Variants in PLXDC1 observed in about 807,000 individuals in gnomAD.
PLXDC1 encodes plexin domain containing 1.
In PLXDC1, 39 loss-of-function variants were observed where a neutral mutation model predicts 61.3. That is an observed-to-expected ratio of 0.64 (90% CI 0.49 to 0.83). The LOEUF is 0.83. PLXDC1 is among the 40% of genes least tolerant of loss of function. PLXDC1 has a pLI of 0.00. For synonymous variants in PLXDC1, 212 were observed against 254.5 expected (o/e 0.83, Z 1.59); for missense variants, 596 against 666.5 (o/e 0.89, Z 1.17).
intron 5 of PLXDC1, 22 bp from the exon 6 acceptor site, chr17:39,107,547 C>T (rs374686939): frequency 7.5e-5 from 115 of 1,529,968 alleles, no homozygotes; most frequent in Admixed American, 1.3e-4. Context: ...AACAGAGACC[C>T]GGCTGGACGG....
intron 2 of PLXDC1, among the ~76,000 whole-genome samples, chr17:39,109,798 C>T (rs565347751): frequency 6.6e-6 from 1 of 152,152 alleles, no homozygotes; most frequent in Non-Finnish European, 1.5e-5. Flanking sequence ...AGCTCCCAGG[C>T]CGAGGGAGAG....
chr17:39,082,153 G>T lies in PLXDC1; in HGVS notation c.989+1306C>A, dbSNP rs543120406. 1.2e-4 allele frequency among the ~76,000 whole-genome samples: 19 copies of T among 152,306 alleles called. No homozygotes were observed. In the South Asian group the frequency reaches 3.7e-3, roughly 30 times the overall value. On this transcript the variant is annotated intron_variant, in intron 9 of 13. Coordinates refer to ENST00000315392, the MANE Select transcript of PLXDC1 (RefSeq NM_020405.5). The stretch of plus-strand genomic sequence containing the variant: ...CCCAGAGCTGTGTCCTGTGTGCTAG[G>T]CAGGCTGCCTATAAAGGCGAGAACT...
chr17:39,069,996 G>C lies in PLXDC1; in HGVS notation c.1243C>G (p.Pro415Ala), dbSNP rs759424898. The C allele has an allele frequency of 1.2e-6, 2 of 1,613,864 alleles. No homozygotes were observed. Among genetic ancestry groups the C allele is most frequent in the African/African-American group, 1.3e-5 (1 of 74,902 alleles). ...GGDGLQNNLS[P>A]KTKGTPVHLG... is the part of the protein sequence containing the mutation. ...TGCACAGGAGTGCCCTTTGTCTTGGGGGACAGGTTGTTCTGAAGGCCTGTG... is the reference window on the plus strand; with the variant it reads ...TGCACAGGAGTGCCCTTTGTCTTGGCGGACAGGTTGTTCTGAAGGCCTGTG... Residue 415 changes from proline (P) to alanine (A), a missense_variant, in exon 13 of 14, where the codon CCC becomes GCC. Coordinates refer to ENST00000315392, the MANE Select transcript of PLXDC1 (RefSeq NM_020405.5).
intron 2 of PLXDC1, among the ~76,000 whole-genome samples, chr17:39,127,943 C>CAAAA (rs35444362): frequency 8.1e-4 from 43 of 52,870 alleles, no homozygotes; most frequent in Admixed American, 1.9e-3. Context: ...CTCCATCTCA[C>CAAAA]AAAAAAAAAA....
At chr17:39,148,025 G>A (rs1281276399) in intron 1 of PLXDC1, among the ~76,000 whole-genome samples, 2 of 152,170 alleles carry the variant, frequency 1.3e-5, no homozygotes, top group Non-Finnish European at 2.9e-5. Context: ...ATTAAGACCT[G>A]AATGAGAAGA....
intron 2 of PLXDC1, among the ~76,000 whole-genome samples, chr17:39,125,606 C>T (rs3025169): frequency 7.5e-4 from 114 of 152,278 alleles, no homozygotes; most frequent in African/African-American, 2.6e-3. Context: ...CATCTGGTCC[C>T]ATGCTGGCCT....
At chr17:39,151,659 GC>G (rs1469585464), upstream of PLXDC1, 7 of 562,412 alleles carry the variant, frequency 1.2e-5, no homozygotes, top group Non-Finnish European at 1.6e-5. The surrounding 1 kb of genome is among the most constrained non-coding windows in gnomAD (Gnocchi z 5.2). Flanking sequence ...TGGGGGGGCC[GC>G]TGGGTCGGTG....
At chr17:39,133,034 T>C (rs80288695) in intron 2 of PLXDC1, among the ~76,000 whole-genome samples, 1 of 152,138 alleles carries the variant, frequency 6.6e-6, no homozygotes, top group Non-Finnish European at 1.5e-5. Flanking sequence ...TCTCCTCTTA[T>C]CTTGCCCACC....
intron 2 of PLXDC1, among the ~76,000 whole-genome samples, chr17:39,127,635 T>C (rs1204724530): frequency 2.6e-5 from 4 of 151,700 alleles, no homozygotes; most frequent in African/African-American, 9.7e-5. Context: ...AAAGAAGATA[T>C]AAAAATAGCC....
chr17:39,107,371 C>T (rs1910631932), intron 6 of PLXDC1, 36 bp downstream of exon 6: 1 of 1,270,210 alleles, frequency 7.9e-7, no homozygotes, highest in East Asian at 2.3e-5. Flanking sequence ...AGAAAGGCTC[C>T]AAGACCCAGC....
chr17:39,068,774 G>T (rs1026338309), intron 13 of PLXDC1, among the ~76,000 whole-genome samples: 1 of 152,182 alleles, frequency 6.6e-6, no homozygotes, highest in Admixed American at 6.5e-5. Context: ...ACCCAGGTAG[G>T]CTAAGACTTC....
chr17:39,118,185 T>C (rs1354028251), intron 2 of PLXDC1, among the ~76,000 whole-genome samples: 1 of 151,178 alleles, frequency 6.6e-6, no homozygotes, highest in Non-Finnish European at 1.5e-5. Context: ...TCTCTCTCTG[T>C]CTGTCTGTCT....
intron 2 of PLXDC1, among the ~76,000 whole-genome samples, chr17:39,109,603 C>A (rs1242396491): frequency 6.6e-6 from 1 of 152,148 alleles, no homozygotes; most frequent in African/African-American, 2.4e-5. Flanking sequence ...CTAGTGGTGC[C>A]CCAACAGGCC....
At chr17:39,145,137 T>G (rs1912054972) in intron 1 of PLXDC1, among the ~76,000 whole-genome samples, 1 of 152,044 alleles carries the variant, frequency 6.6e-6, no homozygotes. Context: ...CAATCCCCAC[T>G]GTTTCCCAGG....
rs188995564 is a variant in PLXDC1, at chr17:39,143,980, T to G, written c.77-4148A>C. ...CCCCAGGTCTTCCTGCAAGCAGCCC[T>G]GGGGCCTGGGCAGGAGCCAGAACAG... On this transcript the variant is annotated intron_variant, in intron 1 of 13. Transcript: ENST00000315392. Among the ~76,000 whole-genome samples the G allele has an allele frequency of 6.5e-3, 987 of 152,218 alleles. 8 individuals are homozygous for G. The highest frequency in any genetic ancestry group is 0.023 in the African/African-American group (940 of 41,548).
chr17:39,068,437 GA>G (rs973164897), intron 13 of PLXDC1, among the ~76,000 whole-genome samples: 12 of 152,220 alleles, frequency 7.9e-5, no homozygotes, highest in Admixed American at 1.3e-4. Flanking sequence ...AGCACTTTGG[GA>G]GGCCAAGATG....
At chr17:39,127,333 T>TAAAGCCGGGACCATCCTGGG (rs1911340758) in intron 2 of PLXDC1, among the ~76,000 whole-genome samples, 1 of 152,016 alleles carries the variant, frequency 6.6e-6, no homozygotes, top group South Asian at 2.1e-4. Context: ...CTCTCAGAAC[T>TAAAGCCGGGACCATCCTGGG]AAAGCCGGGA....
chr17:39,109,239 G>A lies in PLXDC1; in HGVS notation c.399+9C>T, dbSNP rs780506089. 6.2e-7 allele frequency: 1 copy of A among 1,602,112 alleles called. No homozygotes were observed. Among genetic ancestry groups the A allele is most frequent in the Non-Finnish European group, 8.5e-7 (1 of 1,172,624 alleles). ...ACAGGGAAGCATGGCTGGCGACTGGGGCACTCACCGAAGCCTGCCGGTGGG... is the reference window on the plus strand; with the variant it reads ...ACAGGGAAGCATGGCTGGCGACTGGAGCACTCACCGAAGCCTGCCGGTGGG... On this transcript the variant is annotated intron_variant, in intron 3 of 13. Transcript: ENST00000315392.
intron 1 of PLXDC1, among the ~76,000 whole-genome samples, chr17:39,148,634 C>A (rs1661228179): frequency 6.6e-6 from 1 of 151,994 alleles, no homozygotes; most frequent in Admixed American, 6.6e-5. Context: ...GGGGTTTCAC[C>A]ATGTTAGCCA....
Sources: allele counts gnomAD v4.1 joint callset (sites outside exome capture counted in the v4.1 genomes callset), GRCh38; gene constraint gnomAD v4.1.1; non-coding constraint Gnocchi (gnomAD v3.1); transcripts MANE v1.5; gene names NCBI Gene and HGNC (gene_info 2026-07-23, HGNC 2026-07-21).